Variants in MFHAS1 observed in about 807,000 individuals in gnomAD.
The protein encoded by MFHAS1 is multifunctional ROCO family signaling regulator 1.
A neutral mutation model predicts 70.4 loss-of-function variants in MFHAS1; 50 were observed. The observed-to-expected ratio is 0.71, with a 90% CI of 0.57 to 0.90. The LOEUF (loss-of-function observed/expected upper bound fraction) is 0.90, where lower values mean the gene tolerates loss of function less well. MFHAS1 is among the 40% of genes least tolerant of loss of function. The pLI is 0.00. For synonymous variants in MFHAS1, 952 were observed against 620.0 expected (o/e 1.54, Z -7.96); for missense variants, 1,795 against 1,347.6 (o/e 1.33, Z -5.20).
Position 8,790,299 on chromosome 8 carries a change from TTC to T in MFHAS1, c.3126-4246_3126-4245del, listed in dbSNP as rs745410138. 4.6e-5 allele frequency: 39 copies of T among 855,480 alleles called. No individual in the cohort carries two copies. The African/African-American group carries it at 5.3e-4, about 12-fold the overall frequency. 53.0% of individuals were successfully genotyped at this position (855,480 alleles called of 1,614,324 possible). On this transcript the variant is annotated intron_variant, in intron 2 of 2. Coordinates refer to ENST00000276282, the MANE Select transcript of MFHAS1 (RefSeq NM_004225.3). The stretch of plus-strand genomic sequence containing the variant: ...AAGAGGGCCTTACCTATTTAAGAAA[TTC>T]TCTCTGTTTCACGGAGACTTACCCT...
In MFHAS1 at chr8:8,891,868, C is replaced by T. The variant is rs1268797958; in HGVS notation, c.1191G>A (p.Lys397=). The part of the protein sequence containing the change: ...KGIPYIAAYQ[K]ELAHSQPAVQ... Reference sequence around the variant, plus strand: ...CCGCCGGCTGGGAATGAGCCAGTTCCTTCTGGTAGGCTGCGATGTAGGGGA... The same window carrying T: ...CCGCCGGCTGGGAATGAGCCAGTTCTTTCTGGTAGGCTGCGATGTAGGGGA... The change falls in exon 1 of 3, where the codon AAG becomes AAA. Residue 397 remains lysine, a synonymous_variant. Transcript: ENST00000276282. This position sits in a 1 kb window ranked among gnomAD's most constrained non-coding sequence, Gnocchi z 5.4. 6.2e-7 allele frequency: 1 copy of T among 1,612,052 alleles called. No homozygotes were observed. The highest frequency in any genetic ancestry group is 8.5e-7 in the Non-Finnish European group (1 of 1,179,240).
Position 8,836,036 on chromosome 8 carries a change from A to G in MFHAS1, c.2999-38545T>C, listed in dbSNP as rs533475902. Reference sequence around the variant, plus strand: ...TAATTACTATCTAGCCCTTCAAAGAAAAAGTGTGCTGAACTCCAATCTATA... The same window carrying G: ...TAATTACTATCTAGCCCTTCAAAGAGAAAGTGTGCTGAACTCCAATCTATA... On this transcript the variant is annotated intron_variant, in intron 1 of 2. Coordinates refer to ENST00000276282, the MANE Select transcript of MFHAS1 (RefSeq NM_004225.3). Among the ~76,000 whole-genome samples, 3 of 152,350 alleles carry G rather than the reference A, an allele frequency of 2.0e-5. No individual in the cohort carries two copies. In the South Asian group the frequency reaches 6.2e-4, roughly 32 times the overall value.
chr8:8,811,603 T>C (rs548878953), intron 1 of MFHAS1, among the ~76,000 whole-genome samples: 25 of 152,324 alleles, frequency 1.6e-4, no homozygotes, highest in African/African-American at 5.5e-4. Context: ...CTCCTTTGGG[T>C]AACTAACGTC....
intron 1 of MFHAS1, among the ~76,000 whole-genome samples, chr8:8,873,221 C>G (rs1809155927): frequency 6.6e-6 from 1 of 152,156 alleles, no homozygotes; most frequent in Non-Finnish European, 1.5e-5. Context: ...TGCCATGAGT[C>G]AAGAGAATCC....
At chr8:8,816,595 T>G (rs1806754549) in intron 1 of MFHAS1, among the ~76,000 whole-genome samples, 1 of 152,176 alleles carries the variant, frequency 6.6e-6, no homozygotes, top group South Asian at 2.1e-4. Context: ...ACTGTATTGT[T>G]GGTAAAAGAA....
At position 8,819,334 on chromosome 8, in the gene MFHAS1, G is replaced by A. The variant is rs577404842; in HGVS notation, c.2999-21843C>T. 9.2e-5 allele frequency among the ~76,000 whole-genome samples: 14 copies of A among 152,108 alleles called. 1 individual carries two copies. In the South Asian group the frequency reaches 2.5e-3, roughly 27 times the overall value. ...GAATATCCAAGAATTGGCCGGGTGCGGTGGCTCACGCCTGTAATCCCAGCA... is the reference window on the plus strand; with the variant it reads ...GAATATCCAAGAATTGGCCGGGTGCAGTGGCTCACGCCTGTAATCCCAGCA... On this transcript the variant is annotated intron_variant, in intron 1 of 2. Coordinates refer to ENST00000276282, the MANE Select transcript of MFHAS1 (RefSeq NM_004225.3).
chr8:8,843,193 C>T (rs926792637), intron 1 of MFHAS1, among the ~76,000 whole-genome samples: 22 of 151,134 alleles, frequency 1.5e-4, no homozygotes, highest in African/African-American at 5.4e-4. Context: ...GGCGTGAACC[C>T]CGGAAGCGGA....
At chr8:8,821,359 T>A (rs1806949356) in intron 1 of MFHAS1, among the ~76,000 whole-genome samples, 1 of 152,220 alleles carries the variant, frequency 6.6e-6, no homozygotes, top group Admixed American at 6.5e-5. Flanking sequence ...TTCTTGGATT[T>A]CATCACGCCG....
intron 1 of MFHAS1, among the ~76,000 whole-genome samples, chr8:8,818,868 A>G (rs891618641): frequency 1.6e-4 from 24 of 152,226 alleles, no homozygotes; most frequent in Non-Finnish European, 3.2e-4. Context: ...TTGTTCTATA[A>G]AGAATATCTA....
rs1181666503 is a variant in MFHAS1 at position 8,893,085 on chromosome 8, C to G, written c.-27G>C. On this transcript the variant is annotated 5_prime_UTR_variant, in exon 1 of 3. Transcript: ENST00000276282. The stretch of plus-strand genomic sequence containing the variant: ...GCGGGGCCCCGGGCCGACAGCCTCA[C>G]GCGGACGCGGGAGCCCGCAGCTACA... The G allele has an allele frequency of 1.4e-6, 2 of 1,432,848 alleles. No individual in the cohort carries two copies. The highest frequency in any genetic ancestry group is 3.0e-5 in the East Asian group (1 of 33,318). The allele number at this position is 1,432,848 out of a possible 1,614,324, so 88.8% of individuals were successfully genotyped here. A position where few individuals can be genotyped will look rare whatever the true frequency, so the allele number is the denominator to read the frequency against.
intron 1 of MFHAS1, among the ~76,000 whole-genome samples, chr8:8,830,354 C>A (rs1482931557): frequency 6.6e-6 from 1 of 152,176 alleles, no homozygotes; most frequent in African/African-American, 2.4e-5. Flanking sequence ...AAGTGTCAGC[C>A]ACCGTTTTCA....
chr8:8,857,497 G>A (rs1272192268), intron 1 of MFHAS1, among the ~76,000 whole-genome samples: 2 of 152,040 alleles, frequency 1.3e-5, no homozygotes, highest in African/African-American at 2.4e-5. Context: ...GGTGTCTAAC[G>A]CCTGTAATCC....
rs764086536 is a variant in MFHAS1, at chr8:8,892,861, C to G, written c.198G>C (p.Glu66Asp). Reference sequence around the variant, plus strand: ...GGCCGTTGTTCCCCAGGTTCAGTGCCTCAATGTCCCCGAGGTTGGCCGGCA... The same window carrying G: ...GGCCGTTGTTCCCCAGGTTCAGTGCGTCAATGTCCCCGAGGTTGGCCGGCA... ...LVLPANLGDI[E>D]ALNLGNNGLE... is the part of the protein sequence containing the mutation. The change falls in exon 1 of 3, where the codon GAG becomes GAC. Residue 66 changes from glutamate to aspartate, a missense_variant. Glu to Asp is a conservative substitution (Grantham distance 45). Transcript: ENST00000276282. The surrounding 1 kb of genome is among the most constrained non-coding windows in gnomAD (Gnocchi z 4.7). The G allele has an allele frequency of 7.5e-6, 12 of 1,595,344 alleles. No individual in the cohort carries two copies. In the South Asian group the frequency reaches 1.2e-4, roughly 16 times the overall value.
intron 1 of MFHAS1, among the ~76,000 whole-genome samples, chr8:8,867,614 G>C (rs926956358): frequency 6.6e-6 from 1 of 150,962 alleles, no homozygotes; most frequent in African/African-American, 2.4e-5. Context: ...CTGGAGTGCA[G>C]TGGCGCAATC....
At chr8:8,818,830 A>AGC (rs1806839981) in intron 1 of MFHAS1, among the ~76,000 whole-genome samples, 4 of 152,202 alleles carry the variant, frequency 2.6e-5, no homozygotes, top group African/African-American at 7.2e-5. Flanking sequence ...CGCTATCATT[A>AGC]TATTTCATCC....
At chr8:8,867,843 C>T (rs1808922142) in intron 1 of MFHAS1, among the ~76,000 whole-genome samples, 1 of 152,132 alleles carries the variant, frequency 6.6e-6, no homozygotes, top group African/African-American at 2.4e-5. Flanking sequence ...AGGCGTGAGC[C>T]ACCGTGCCTG....
chr8:8,837,639 T>A (rs1807647493), intron 1 of MFHAS1, among the ~76,000 whole-genome samples: 1 of 149,530 alleles, frequency 6.7e-6, no homozygotes, highest in African/African-American at 2.5e-5. Context: ...TGAGACCCCA[T>A]CTCAACTGAA....
chr8:8,791,590 C>T (rs189100195), intron 2 of MFHAS1, among the ~76,000 whole-genome samples: 10 of 152,282 alleles, frequency 6.6e-5, no homozygotes, highest in African/African-American at 2.4e-4. Flanking sequence ...TCCAGAGAAG[C>T]TCACACTCCC....
At chr8:8,870,482 G>C (rs1809035425) in intron 1 of MFHAS1, among the ~76,000 whole-genome samples, 1 of 151,820 alleles carries the variant, frequency 6.6e-6, no homozygotes, top group Non-Finnish European at 1.5e-5. Flanking sequence ...AAACAAAAAA[G>C]GTTTAAAAAG....
Sources: allele counts gnomAD v4.1 joint callset (sites outside exome capture counted in the v4.1 genomes callset), GRCh38; gene constraint gnomAD v4.1.1; non-coding constraint Gnocchi (gnomAD v3.1); transcripts MANE v1.5; gene names NCBI Gene and HGNC (gene_info 2026-07-23, HGNC 2026-07-21).